The following GALNT2 variants were observed in gnomAD, a reference collection of about 807,000 sequenced individuals.
GALNT2 encodes UDP-GalNAc:polypeptide N-acetylgalactosaminyltransferase 2.
Under a neutral mutation model 81.4 loss-of-function variants are expected in GALNT2, and 31 were observed. The observed-to-expected ratio is 0.38, with a 90% CI of 0.29 to 0.51. The LOEUF (loss-of-function observed/expected upper bound fraction) is 0.51. Ranked by LOEUF, GALNT2 falls within the 20% of genes least tolerant of loss-of-function variation. The probability of loss-of-function intolerance (pLI) is 0.87; values close to 1 mark genes in which losing one functional copy is unlikely to be tolerated. For synonymous variants in GALNT2, 303 were observed against 287.4 expected (o/e 1.05, Z -0.55); for missense variants, 629 against 765.7 (o/e 0.82, Z 2.11).
At chr1:230,233,898 G>A (rs1275891330) in intron 3 of GALNT2, among the ~76,000 whole-genome samples, 2 of 152,096 alleles carry the variant, frequency 1.3e-5, no homozygotes. Flanking sequence ...AGTAAATGAT[G>A]TTTAGGGGAG....
At chr1:230,199,485 C>A (rs983706214) in intron 2 of GALNT2, among the ~76,000 whole-genome samples, 2 of 152,064 alleles carry the variant, frequency 1.3e-5, no homozygotes, top group African/African-American at 4.8e-5. Flanking sequence ...TCGAGAGATA[C>A]CTAAAACAAA....
At position 230,281,839 on chromosome 1, in the gene GALNT2, A is replaced by G. The variant is rs2102790041; in HGVS notation, c.*2381A>G. 1 of 152,142 alleles carries G rather than the reference A, an allele frequency of 6.6e-6. No homozygotes were observed. The highest frequency in any genetic ancestry group is 2.4e-5 in the African/African-American group (1 of 41,274). The allele number at this position is 152,142 out of a possible 1,614,324, so 9.4% of individuals were successfully genotyped here. Reference sequence around the variant, plus strand: ...ATCATCAGGACTATCTCACCCTCCCACTCCTGTTTTTAAAACTCAGAATTC... The same window carrying G: ...ATCATCAGGACTATCTCACCCTCCCGCTCCTGTTTTTAAAACTCAGAATTC... On this transcript the variant is annotated 3_prime_UTR_variant, in exon 16 of 16. Coordinates refer to ENST00000366672, the MANE Select transcript of GALNT2 (RefSeq NM_004481.5).
At chr1:230,274,394 T>A in intron 14 of GALNT2, 51 bp from the exon 15 acceptor site, 1 of 1,590,942 alleles carries the variant, frequency 6.3e-7, no homozygotes, top group South Asian at 1.1e-5. Flanking sequence ...CCTTCTTTCC[T>A]TTCACAGCCC....
At chr1:230,218,325 A>T (rs1265421735) in intron 3 of GALNT2, among the ~76,000 whole-genome samples, 4 of 152,144 alleles carry the variant, frequency 2.6e-5, no homozygotes, top group Admixed American at 1.3e-4. Flanking sequence ...GAGCAGTACA[A>T]CCTCCTGGTT....
intron 1 of GALNT2, among the ~76,000 whole-genome samples, chr1:230,136,245 G>A (rs561280751): frequency 6.6e-6 from 1 of 152,050 alleles, no homozygotes; most frequent in African/African-American, 2.4e-5. Flanking sequence ...GAACCTGCAC[G>A]CATTGTTTTA....
At chr1:230,091,079 C>CT (rs759761405) in intron 1 of GALNT2, among the ~76,000 whole-genome samples, 70 of 148,042 alleles carry the variant, frequency 4.7e-4, no homozygotes, top group East Asian at 9.8e-4. Context: ...TTCTTTCTTT[C>CT]TTTTTTTTTT....
intron 2 of GALNT2, among the ~76,000 whole-genome samples, chr1:230,190,666 G>A (rs2760537): frequency 0.23 from 34,167 of 151,798 alleles, 4,715 homozygotes; most frequent in African/African-American, 0.38. Context: ...CTGAAACGGG[G>A]CCTTTTTCTA....
intron 1 of GALNT2, among the ~76,000 whole-genome samples, chr1:230,109,943 G>A (rs546098483): frequency 6.6e-5 from 10 of 152,126 alleles, no homozygotes; most frequent in Admixed American, 2.0e-4. Context: ...CTTCTGGGAC[G>A]CGTAGGTCTC....
At chr1:230,212,149 C>T (rs1420784007) in intron 3 of GALNT2, among the ~76,000 whole-genome samples, 2 of 152,142 alleles carry the variant, frequency 1.3e-5, no homozygotes, top group Non-Finnish European at 2.9e-5. Flanking sequence ...GAGCCACTTG[C>T]CTGAGTTCTA....
intron 6 of GALNT2, among the ~76,000 whole-genome samples, chr1:230,242,512 A>G (rs901944186): frequency 2.6e-5 from 4 of 152,068 alleles, no homozygotes; most frequent in African/African-American, 9.7e-5. Flanking sequence ...CCAGGGATAA[A>G]TATACTATTA....
intron 2 of GALNT2, among the ~76,000 whole-genome samples, chr1:230,188,844 A>G (rs12755856): frequency 6.6e-6 from 1 of 152,180 alleles, no homozygotes; most frequent in Non-Finnish European, 1.5e-5. Flanking sequence ...TTGGAAATCT[A>G]TCTGATAGAG....
At chr1:230,137,204 C>T (rs1661577061) in intron 1 of GALNT2, among the ~76,000 whole-genome samples, 1 of 152,234 alleles carries the variant, frequency 6.6e-6, no homozygotes, top group Non-Finnish European at 1.5e-5. Context: ...TGCAGGGAGG[C>T]ACACATGCTT....
chr1:230,173,733 AGC>A (rs1452138656), intron 1 of GALNT2, among the ~76,000 whole-genome samples: 1 of 152,228 alleles, frequency 6.6e-6, no homozygotes, highest in Non-Finnish European at 1.5e-5. Context: ...TGGGCGCAAG[AGC>A]CTTCTTCATA....
chr1:230,279,827 G>A lies in GALNT2; in HGVS notation c.*369G>A. 1 of 479,468 alleles carries A rather than the reference G, an allele frequency of 2.1e-6. No homozygotes were observed. The highest frequency in any genetic ancestry group is 2.0e-5 in the African/African-American group (1 of 51,202). The allele number at this position is 479,468 out of a possible 1,614,324, so 29.7% of individuals were successfully genotyped here. The stretch of plus-strand genomic sequence containing the variant: ...GTGCGAGCTGAGGACAGGGCGGGAG[G>A]AGGGGGCACACATGCCCCAGGGGAG... On this transcript the variant is annotated 3_prime_UTR_variant, in exon 16 of 16. Transcript: ENST00000366672. This position sits in a 1 kb window ranked among gnomAD's most constrained non-coding sequence, Gnocchi z 4.6.
intron 1 of GALNT2, among the ~76,000 whole-genome samples, chr1:230,174,406 G>T (rs1662892507): frequency 6.6e-6 from 1 of 152,116 alleles, no homozygotes; most frequent in African/African-American, 2.4e-5. Context: ...CCAGATTTGT[G>T]CCTCCATCTG....
intron 1 of GALNT2, among the ~76,000 whole-genome samples, chr1:230,164,071 T>G (rs1662521858): frequency 6.6e-6 from 1 of 152,158 alleles, no homozygotes; most frequent in Non-Finnish European, 1.5e-5. Flanking sequence ...AAAGGGGTAT[T>G]AAATACCATA....
chr1:230,141,220 G>GCTTAAA (rs1661719999), intron 1 of GALNT2, among the ~76,000 whole-genome samples: 1 of 152,184 alleles, frequency 6.6e-6, no homozygotes, highest in Non-Finnish European at 1.5e-5. Context: ...TGAAAGGAGA[G>GCTTAAA]ATCCTGCCCA....
At chr1:230,120,302 C>G (rs1660975709) in intron 1 of GALNT2, among the ~76,000 whole-genome samples, 1 of 151,444 alleles carries the variant, frequency 6.6e-6, no homozygotes, top group Admixed American at 6.6e-5. Flanking sequence ...CCATTCAGTT[C>G]CAGGGGTCCA....
intron 10 of GALNT2, among the ~76,000 whole-genome samples, chr1:230,252,749 A>G (rs1310700549): frequency 6.6e-6 from 1 of 151,984 alleles, no homozygotes; most frequent in Non-Finnish European, 1.5e-5. Flanking sequence ...GATTCCCCAT[A>G]GAGAAGCCAA....
Sources: allele counts gnomAD v4.1 joint callset (sites outside exome capture counted in the v4.1 genomes callset), GRCh38; gene constraint gnomAD v4.1.1; non-coding constraint Gnocchi (gnomAD v3.1); transcripts MANE v1.5; gene names NCBI Gene and HGNC (gene_info 2026-07-23, HGNC 2026-07-21).